The following P2RX7 variants were observed in gnomAD, a reference collection of about 807,000 sequenced individuals.
P2RX7 encodes purinergic receptor P2X 7, also known as P2X purinoceptor 7.
A neutral mutation model predicts 71.6 loss-of-function variants in P2RX7; 62 were observed. The ratio of observed to expected loss-of-function variants is 0.87; its 90% CI spans 0.71 to 1.07. The LOEUF is 1.07. Ranked by LOEUF, P2RX7 falls within the 50% of genes least tolerant of loss-of-function variation. The pLI is 0.00. For missense variants in P2RX7, 686 were observed against 748.5 expected (o/e 0.92, Z 0.97); for synonymous variants, 299 against 283.3 (o/e 1.06, Z -0.56).
intron 12 of P2RX7, among the ~76,000 whole-genome samples, chr12:121,183,343 G>A (rs1333707570): frequency 6.6e-6 from 1 of 151,802 alleles, no homozygotes; most frequent in Non-Finnish European, 1.5e-5. Flanking sequence ...GGCTGAGGTG[G>A]GTGGATCACT....
Position 121,151,482 on chromosome 12 carries a change from C to A in P2RX7, c.126-3303C>A, listed in dbSNP as rs187530093. On this transcript the variant is annotated intron_variant, in intron 1 of 12. Coordinates refer to ENST00000328963, the MANE Select transcript of P2RX7 (RefSeq NM_002562.6). The stretch of plus-strand genomic sequence containing the variant: ...ACCTCAGATGATCCACCTGCCTCGG[C>A]CTCCCAAAGATTACAGGCATGAGCC... Among the ~76,000 whole-genome samples, 3 of 152,184 alleles carry A rather than the reference C, an allele frequency of 2.0e-5. No homozygotes were observed. In the East Asian group the frequency reaches 5.8e-4, roughly 29 times the overall value.
intron 7 of P2RX7, among the ~76,000 whole-genome samples, 187 bp downstream of exon 7, chr12:121,166,374 T>G (rs1466911000): frequency 6.6e-6 from 1 of 152,228 alleles, no homozygotes; most frequent in Non-Finnish European, 1.5e-5. Flanking sequence ...ACAATCCTTA[T>G]GAGTGAGAGC....
intron 1 of P2RX7, among the ~76,000 whole-genome samples, chr12:121,152,007 T>A (rs1877520108): frequency 6.6e-6 from 1 of 152,124 alleles, no homozygotes; most frequent in Non-Finnish European, 1.5e-5. Flanking sequence ...TCAAGGTTCA[T>A]CAATATTACT....
In P2RX7 at chr12:121,184,593, C is replaced by T; in HGVS notation, c.1579C>T (p.Leu527=). Residue 527 remains leucine (L), a synonymous_variant, in exon 13 of 13, where the codon CTG becomes TTG. Transcript: ENST00000328963. ...GTCCAGACACGTCCTGCAGTTCCTC[C>T]TGCTCTACCAGGAGCCCTTGCTGGC... The part of the protein sequence containing the change: ...VLSRHVLQFL[L]LYQEPLLALD... 6.2e-7 allele frequency: 1 copy of T among 1,613,936 alleles called. No individual in the cohort carries two copies.
At chr12:121,161,356 AT>A (rs58700355) in intron 4 of P2RX7, among the ~76,000 whole-genome samples, 3 of 151,942 alleles carry the variant, frequency 2.0e-5, no homozygotes, top group African/African-American at 7.3e-5. Context: ...AACCTGCAGA[AT>A]TTTTTTTGTT....
chr12:121,180,208 T>A, intron 11 of P2RX7, 146 bp from the exon 12 acceptor site: 2 of 321,320 alleles, frequency 6.2e-6, no homozygotes, highest in Non-Finnish European at 1.2e-5. Flanking sequence ...GACTCAGAAA[T>A]CATTAATTCT....
At position 121,177,438 on chromosome 12, in the gene P2RX7, C is replaced by T; in HGVS notation, c.1180C>T (p.Pro394Ser). 6.2e-7 allele frequency: 1 copy of T among 1,613,174 alleles called. No homozygotes were observed. The highest frequency in any genetic ancestry group is 1.1e-5 in the South Asian group (1 of 91,030). Residue 394 changes from proline to serine, a missense_variant, in exon 11 of 13, where the codon CCA (proline) becomes TCA (serine). Physicochemically the swap from Pro to Ser is moderately conservative, Grantham distance 74 (BLOSUM62 -1). Coordinates refer to ENST00000328963, the MANE Select transcript of P2RX7 (RefSeq NM_002562.6). Reference protein sequence around the residue: ...YRKKCESIVEPKPTLKYVSFV... With the variant: ...YRKKCESIVESKPTLKYVSFV... ...GAAGAAGTGCGAGTCCATTGTGGAG[C>T]CAAAGCCGGTGAGGCCGCTGTGTTC...
intron 1 of P2RX7, among the ~76,000 whole-genome samples, chr12:121,146,052 C>G (rs1252266388): frequency 1.3e-5 from 2 of 152,160 alleles, no homozygotes; most frequent in Non-Finnish European, 2.9e-5. Context: ...CCCTGTTAGA[C>G]ATTTCTTCCT....
chr12:121,160,975 G>A lies in P2RX7; in HGVS notation c.436+1G>A, dbSNP rs778967979. The A allele has an allele frequency of 6.2e-7, 1 of 1,612,264 alleles. No individual in the cohort carries two copies. The highest frequency in any genetic ancestry group is 8.5e-7 in the Non-Finnish European group (1 of 1,178,322). On this transcript the variant is annotated splice_donor_variant, in intron 4 of 12. Transcript: ENST00000328963. LOFTEE classifies it high-confidence loss of function. The stretch of plus-strand genomic sequence containing the variant: ...GGATGGATGGACCCGCAGAGCAAAG[G>A]TACCTTCTGTTTCTTTTCCCGAGAC...
intron 8 of P2RX7, among the ~76,000 whole-genome samples, chr12:121,171,836 C>T (rs1227972121): frequency 2.0e-5 from 3 of 151,444 alleles, no homozygotes; most frequent in Admixed American, 1.3e-4. Flanking sequence ...CCTCTGAACA[C>T]ACTCACCCCA....
intron 11 of P2RX7, among the ~76,000 whole-genome samples, chr12:121,179,717 T>G (rs796357015): frequency 2.1e-4 from 32 of 152,320 alleles, no homozygotes; most frequent in African/African-American, 7.7e-4. Context: ...GTTGCAATAG[T>G]ACAAATTTCT....
chr12:121,180,475 C>G lies in P2RX7; in HGVS notation c.1290+20C>G, dbSNP rs376375702. 19 of 1,010,126 alleles carry G rather than the reference C, an allele frequency of 1.9e-5. No individual in the cohort carries two copies. The highest frequency in any genetic ancestry group is 2.7e-5 in the Non-Finnish European group (19 of 698,950). The allele number at this position is 1,010,126 out of a possible 1,614,324, so 62.6% of individuals were successfully genotyped here. ...GTCCCAGTAAGTTAAATCATTTTGT[C>G]TTTTTTTTTTTTTTAAGAAAATTTA... On this transcript the variant is annotated intron_variant, in intron 12 of 12. Transcript: ENST00000328963.
In P2RX7 at chr12:121,166,087, C is replaced by A. The variant is rs199962437; in HGVS notation, c.644C>A (p.Thr215Asn). Residue 215 changes from threonine to asparagine, a missense_variant, in exon 7 of 13, where the codon ACT becomes AAT. By Grantham distance (65) the Thr-to-Asn change is moderately conservative. Coordinates refer to ENST00000328963, the MANE Select transcript of P2RX7 (RefSeq NM_002562.6). ...AACATCCTGCCAGGTTTAAACATCA[C>A]TTGTACCTTCCACAAGACTCAGAAT... The part of the protein sequence containing the change: ...TRNILPGLNI[T>N]CTFHKTQNPQ... The A allele has an allele frequency of 8.1e-6, 13 of 1,613,682 alleles. No homozygotes were observed. The highest frequency in any genetic ancestry group is 1.1e-5 in the Non-Finnish European group (13 of 1,179,598).
intron 3 of P2RX7, among the ~76,000 whole-genome samples, chr12:121,158,127 G>C (rs888382674): frequency 2.0e-5 from 3 of 152,040 alleles, no homozygotes; most frequent in African/African-American, 7.2e-5. Flanking sequence ...GGGTTGTCTC[G>C]GTAAATATGA....
chr12:121,154,985 T>C lies in P2RX7; in HGVS notation c.294+32T>C. ...ACCTCGTAGCATTCTCCCAGGCTCG[T>C]CGCTGGTCACCGTCGCCAGGGCCTA... On this transcript the variant is annotated intron_variant, in intron 2 of 12. Transcript: ENST00000328963. This position sits in a 1 kb window ranked among gnomAD's most constrained non-coding sequence, Gnocchi z 4.2. The C allele has an allele frequency of 6.2e-7, 1 of 1,611,754 alleles. No individual in the cohort carries two copies. Among genetic ancestry groups the C allele is most frequent in the South Asian group, 1.1e-5 (1 of 90,826 alleles).
chr12:121,161,984 GA>G (rs1879824018), intron 4 of P2RX7, among the ~76,000 whole-genome samples: 1 of 152,004 alleles, frequency 6.6e-6, no homozygotes, highest in Non-Finnish European at 1.5e-5. Context: ...TTCTCCCTTG[GA>G]AACTGATTAA....
intron 1 of P2RX7, among the ~76,000 whole-genome samples, chr12:121,146,813 C>T (rs1876304216): frequency 6.6e-6 from 1 of 152,208 alleles, no homozygotes; most frequent in Non-Finnish European, 1.5e-5. Context: ...TTGAGGAGCA[C>T]AGCCTGAGTG....
chr12:121,184,189 T>C (rs1884601020), intron 12 of P2RX7, 116 bp from the exon 13 acceptor site: 1 of 1,271,184 alleles, frequency 7.9e-7, no homozygotes, highest in Admixed American at 2.7e-5. Flanking sequence ...ACCTAATAAA[T>C]GACGGCTACT....
intron 9 of P2RX7, among the ~76,000 whole-genome samples, chr12:121,175,778 A>G (rs1883005908): frequency 6.8e-6 from 1 of 146,814 alleles, no homozygotes; most frequent in African/African-American, 2.6e-5. Context: ...AACAGAATCC[A>G]ATTCAAATTG....
Sources: gnomAD v4.1 joint callset for allele counts (sites outside exome capture counted in the v4.1 genomes callset) on GRCh38, gnomAD v4.1.1 for gene constraint, Gnocchi (gnomAD v3.1) non-coding constraint, MANE v1.5 for transcripts, NCBI Gene and HGNC (gene_info 2026-07-23, HGNC 2026-07-21) for gene names.